The following L3MBTL4 variants were observed in gnomAD, a reference collection of about 807,000 sequenced individuals.
L3MBTL4 encodes L3MBTL histone methyl-lysine binding protein 4.
In L3MBTL4, 70 loss-of-function variants were observed where a neutral mutation model predicts 84.5. That is an observed-to-expected ratio of 0.83 (90% CI 0.68 to 1.01). The LOEUF (loss-of-function observed/expected upper bound fraction) is 1.01. Ranked by LOEUF, L3MBTL4 falls within the 50% of genes least tolerant of loss-of-function variation. The pLI, the probability that L3MBTL4 is intolerant of heterozygous loss-of-function variation, is 0.00. For synonymous variants in L3MBTL4, 274 were observed against 259.8 expected (o/e 1.05, Z -0.52); for missense variants, 715 against 754.8 (o/e 0.95, Z 0.62).
At chr18:6,235,901 G>A (rs1296790366) in intron 10 of L3MBTL4, among the ~76,000 whole-genome samples, 3 of 152,246 alleles carry the variant, frequency 2.0e-5, no homozygotes, top group Middle Eastern at 6.8e-3. Context: ...TACTAGATTT[G>A]TAAACTGAAA....
intron 14 of L3MBTL4, among the ~76,000 whole-genome samples, chr18:6,099,416 T>C (rs1350803818): frequency 6.6e-6 from 1 of 151,154 alleles, no homozygotes; most frequent in African/African-American, 2.4e-5. Flanking sequence ...CTATGAAGAG[T>C]AACAGCAAGT....
At chr18:6,265,859 T>G (rs1474243579) in intron 4 of L3MBTL4, among the ~76,000 whole-genome samples, 1 of 152,192 alleles carries the variant, frequency 6.6e-6, no homozygotes, top group East Asian at 1.9e-4. Flanking sequence ...GGATACAACG[T>G]TCCAGTTAGA....
At chr18:6,012,663 A>C (rs1036481981) in intron 16 of L3MBTL4, among the ~76,000 whole-genome samples, 1 of 93,352 alleles carries the variant, frequency 1.1e-5, no homozygotes, top group African/African-American at 3.0e-5. Flanking sequence ...TGTCTCTACA[A>C]AATTAAAAAA....
intron 1 of L3MBTL4, among the ~76,000 whole-genome samples, chr18:6,354,545 A>G (rs2053348112): frequency 6.6e-6 from 1 of 152,190 alleles, no homozygotes. Flanking sequence ...CAAGGAACTA[A>G]TAACCAGAAT....
intron 3 of L3MBTL4, 136 bp from the exon 4 acceptor site, chr18:6,302,093 G>T: frequency 1.3e-6 from 1 of 775,582 alleles, no homozygotes; most frequent in South Asian, 1.4e-5. Context: ...ACAATACCCA[G>T]AGTCTTCCGG....
intron 5 of L3MBTL4, among the ~76,000 whole-genome samples, chr18:6,256,192 C>T (rs1166219798): frequency 6.6e-6 from 1 of 152,188 alleles, no homozygotes; most frequent in African/African-American, 2.4e-5. Flanking sequence ...AAACAAAATG[C>T]ACCTATCAAA....
chr18:6,384,934 G>T (rs1032862534), intron 1 of L3MBTL4, among the ~76,000 whole-genome samples: 1 of 152,172 alleles, frequency 6.6e-6, no homozygotes, highest in Non-Finnish European at 1.5e-5. Flanking sequence ...CAGGGAGCAG[G>T]TAGAGTTCTG....
chr18:6,371,726 G>A (rs1368071188), intron 1 of L3MBTL4, among the ~76,000 whole-genome samples: 1 of 152,200 alleles, frequency 6.6e-6, no homozygotes, highest in African/African-American at 2.4e-5. Context: ...TCACTGAACT[G>A]TGGTTAAGAA....
intron 13 of L3MBTL4, among the ~76,000 whole-genome samples, chr18:6,141,801 T>C (rs1233236964): frequency 6.6e-6 from 1 of 152,236 alleles, no homozygotes; most frequent in Non-Finnish European, 1.5e-5. Flanking sequence ...ACCAGAGCAA[T>C]CTTTTCAAAT....
chr18:6,370,824 A>G (rs935082682), intron 1 of L3MBTL4, among the ~76,000 whole-genome samples: 3 of 152,208 alleles, frequency 2.0e-5, no homozygotes, highest in African/African-American at 7.2e-5. Flanking sequence ...ATTTAAAAAA[A>G]TTAAAAATTT....
intron 1 of L3MBTL4, among the ~76,000 whole-genome samples, chr18:6,394,188 C>T (rs527250676): frequency 2.6e-5 from 4 of 152,174 alleles, no homozygotes; most frequent in Admixed American, 6.5e-5. Flanking sequence ...ATAAACATGG[C>T]TGAGTGTGGT....
chr18:6,129,368 C>CTCTGTGTGTGTG (rs1555663722), intron 14 of L3MBTL4, among the ~76,000 whole-genome samples: 56 of 138,300 alleles, frequency 4.0e-4, no homozygotes, highest in South Asian at 7.3e-4. Context: ...GGAATTCTCT[C>CTCTGTGTGTGTG]TGTGTGTGTG....
At chr18:6,131,976 G>A (rs2059892156) in intron 14 of L3MBTL4, among the ~76,000 whole-genome samples, 1 of 151,842 alleles carries the variant, frequency 6.6e-6, no homozygotes. Context: ...TGATTAACTG[G>A]GTAAAAAACA....
intron 5 of L3MBTL4, among the ~76,000 whole-genome samples, chr18:6,251,039 T>C (rs978026209): frequency 2.0e-5 from 3 of 152,182 alleles, no homozygotes; most frequent in Non-Finnish European, 4.4e-5. Context: ...GATGACTTTC[T>C]TCACTCAATG....
chr18:6,304,014 CA>C lies in L3MBTL4; in HGVS notation c.73-2058del, dbSNP rs201628744. ...GGGCAACAAGAGCTAAACTCCATCT[CA>C]AAAAAAAAAAAAAACAAAAAAAAAA... On this transcript the variant is annotated intron_variant, in intron 3 of 18. Coordinates refer to ENST00000317931, the MANE Select transcript of L3MBTL4 (RefSeq NM_001330559.2). Among the ~76,000 whole-genome samples the C allele has an allele frequency of 1.2e-3, 64 of 52,720 alleles. No homozygotes were observed. The Middle Eastern group carries it at 0.045, about 37-fold the overall frequency. 34.6% of individuals were successfully genotyped at this position (52,720 alleles called of 152,430 possible). A position where few individuals can be genotyped will look rare whatever the true frequency, so the allele number is the denominator to read the frequency against.
At chr18:5,994,003 G>A (rs1471194338) in intron 16 of L3MBTL4, among the ~76,000 whole-genome samples, 1 of 152,192 alleles carries the variant, frequency 6.6e-6, no homozygotes, top group Non-Finnish European at 1.5e-5. Context: ...AATCACCAGA[G>A]CCTCAAAGTG....
rs554911748 is a variant in L3MBTL4, at chr18:6,097,360, A to C, written c.1200-3832T>G. ...TTTTAATATCTGATGACAAATGAAA[A>C]AGTAAATTTTATTCATTCTAAGAGC... On this transcript the variant is annotated intron_variant, in intron 14 of 18. Coordinates refer to ENST00000317931, the MANE Select transcript of L3MBTL4 (RefSeq NM_001330559.2). Among the ~76,000 whole-genome samples the C allele has an allele frequency of 2.0e-5, 3 of 152,328 alleles. No homozygotes were observed. The East Asian group carries it at 5.8e-4, about 29-fold the overall frequency.
chr18:6,153,976 T>C (rs2042996441), intron 13 of L3MBTL4, among the ~76,000 whole-genome samples: 3 of 152,208 alleles, frequency 2.0e-5, no homozygotes, highest in Non-Finnish European at 2.9e-5. Context: ...CAGTTTTCTA[T>C]ATGCACAAAA....
chr18:6,098,028 T>C (rs1002976931), intron 14 of L3MBTL4, among the ~76,000 whole-genome samples: 2 of 152,130 alleles, frequency 1.3e-5, no homozygotes, highest in Non-Finnish European at 2.9e-5. Flanking sequence ...TGGCTCTGAT[T>C]CCAAGAGTCT....
Sources: allele counts gnomAD v4.1 joint callset (sites outside exome capture counted in the v4.1 genomes callset), GRCh38; gene constraint gnomAD v4.1.1; transcripts MANE v1.5; gene names NCBI Gene and HGNC (gene_info 2026-07-23, HGNC 2026-07-21).